The following FHAD1 variants were observed in gnomAD, a reference collection of about 807,000 sequenced individuals.
The protein encoded by FHAD1 is forkhead-associated domain-containing protein 1.
Under a neutral mutation model 191.3 loss-of-function variants are expected in FHAD1, and 146 were observed. The ratio of observed to expected loss-of-function variants is 0.76; its 90% CI spans 0.67 to 0.88. The LOEUF is 0.88. FHAD1 is among the 40% of genes least tolerant of loss of function. The pLI is 0.00. For missense variants in FHAD1, 1,635 were observed against 1,785.8 expected (o/e 0.92, Z 1.52); for synonymous variants, 616 against 672.3 (o/e 0.92, Z 1.29).
At chr1:15,238,669 C>A (rs746691974) in intron 1 of FHAD1, among the ~76,000 whole-genome samples, 5 of 152,234 alleles carry the variant, frequency 3.3e-5, no homozygotes, top group African/African-American at 1.2e-4. Flanking sequence ...TACACAGCCC[C>A]TGTGCCTCCT....
chr1:15,246,299 G>C (rs764943172), upstream of FHAD1, among the ~76,000 whole-genome samples: 21 of 152,260 alleles, frequency 1.4e-4, no homozygotes, highest in African/African-American at 5.1e-4. Flanking sequence ...AGTGCAATTC[G>C]AGATGAAATT....
chr1:15,258,788 A>G (rs550249144), intron 2 of FHAD1, among the ~76,000 whole-genome samples: 4 of 151,968 alleles, frequency 2.6e-5, no homozygotes, highest in East Asian at 1.9e-4. Context: ...GGGTTTCACC[A>G]TGTTGGCCAG....
Position 15,289,557 on chromosome 1 carries a change from C to T in FHAD1, c.459C>T (p.Pro153=). ...AAAGGAGCTGGTCCCAGGCCTTTCCCAGACCCACCGTGGTCCTGCCGGCCT... is the reference window on the plus strand; with the variant it reads ...AAAGGAGCTGGTCCCAGGCCTTTCCTAGACCCACCGTGGTCCTGCCGGCCT... ...PMQRSWSQAF[P]RPTVVLPASH... The change falls in exon 4 of 34, where the codon CCC becomes CCT. Residue 153 remains proline (P), a synonymous_variant. Coordinates refer to ENST00000688493, the MANE Select transcript of FHAD1 (RefSeq NM_001391957.1). This position sits in a 1 kb window ranked among gnomAD's most constrained non-coding sequence, Gnocchi z 4.2. 1.3e-6 allele frequency: 2 copies of T among 1,551,810 alleles called. No individual in the cohort carries two copies. Among genetic ancestry groups the T allele is most frequent in the Non-Finnish European group, 1.7e-6 (2 of 1,147,014 alleles).
rs1672329836 is a variant in FHAD1 at position 15,311,720 on chromosome 1, A to T, written c.1040-1337A>T. ...AAAGGACCGTATGAGATAACCCAAT[A>T]CCACTGCATTATGCACCCTTCTTCT... On this transcript the variant is annotated intron_variant, in intron 7 of 33. Transcript: ENST00000688493. The surrounding 1 kb of genome is among the most constrained non-coding windows in gnomAD (Gnocchi z 4.1). 6.6e-6 allele frequency among the ~76,000 whole-genome samples: 1 copy of T among 152,200 alleles called. No individual in the cohort carries two copies.
In FHAD1 at chr1:15,327,855, A is replaced by T. The variant is rs1243943269; in HGVS notation, c.1558-422A>T. 2.6e-5 allele frequency: 4 copies of T among 152,370 alleles called. No homozygotes were observed. Among genetic ancestry groups the T allele is most frequent in the African/African-American group, 9.7e-5 (4 of 41,400 alleles). The allele number at this position is 152,370 out of a possible 1,614,324, so 9.4% of individuals were successfully genotyped here. ...TCGAAACCAGCCTGACCAACATGGT[A>T]AAACCCCATCTCTATTAAAAATACA... On this transcript the variant is annotated intron_variant, in intron 12 of 33. Coordinates refer to ENST00000688493, the MANE Select transcript of FHAD1 (RefSeq NM_001391957.1). The surrounding 1 kb of genome is among the most constrained non-coding windows in gnomAD (Gnocchi z 5.1).
chr1:15,293,587 ACG>A (rs1553249548), intron 4 of FHAD1, among the ~76,000 whole-genome samples: 3 of 151,914 alleles, frequency 2.0e-5, no homozygotes, highest in African/African-American at 2.4e-5. Flanking sequence ...GTGTGGTGGC[ACG>A]CACCTGTAAT....
At chr1:15,396,981 A>C (rs575414060) in intron 33 of FHAD1, among the ~76,000 whole-genome samples, 1 of 150,266 alleles carries the variant, frequency 6.7e-6, no homozygotes, top group Non-Finnish European at 1.5e-5. Flanking sequence ...TCAGGAGATC[A>C]AGACCATCCT....
At chr1:15,275,877 C>T (rs1658182662) in intron 3 of FHAD1, among the ~76,000 whole-genome samples, 1 of 152,060 alleles carries the variant, frequency 6.6e-6, no homozygotes, top group Non-Finnish European at 1.5e-5. Flanking sequence ...GAGGACTGTC[C>T]TAATATTGTA....
intron 6 of FHAD1, among the ~76,000 whole-genome samples, chr1:15,304,954 G>C (rs531416175): frequency 4.6e-5 from 4 of 87,102 alleles, no homozygotes; most frequent in Non-Finnish European, 1.2e-4. Context: ...CTGCATTGTC[G>C]GGGTCCCCCC....
intron 10 of FHAD1, among the ~76,000 whole-genome samples, chr1:15,319,292 C>T (rs1371952703): frequency 6.6e-6 from 1 of 152,094 alleles, no homozygotes; most frequent in African/African-American, 2.4e-5. Flanking sequence ...TCATTAAAAC[C>T]TCGTGAGCTG....
chr1:15,313,797 C>T lies in FHAD1; in HGVS notation c.1170+610C>T, dbSNP rs993646978. On this transcript the variant is annotated intron_variant, in intron 8 of 33. Coordinates refer to ENST00000688493, the MANE Select transcript of FHAD1 (RefSeq NM_001391957.1). ...TTAAAAGTAATTTTGAGGCCAGGCA[C>T]GGTGGCTAATGCCTGTAATCCCAGC... Among the ~76,000 whole-genome samples the T allele has an allele frequency of 4.6e-5, 7 of 152,046 alleles. 1 individual carries two copies. The highest frequency in any genetic ancestry group is 4.1e-4 in the South Asian group (2 of 4,820).
At chr1:15,310,274 G>A (rs529079680) in intron 7 of FHAD1, among the ~76,000 whole-genome samples, 10 of 152,310 alleles carry the variant, frequency 6.6e-5, no homozygotes, top group East Asian at 1.9e-4. Flanking sequence ...GACCCAGGCC[G>A]CCTGGCCGTG....
intron 28 of FHAD1, among the ~76,000 whole-genome samples, chr1:15,377,574 A>T (rs1465673039): frequency 6.6e-6 from 1 of 152,250 alleles, no homozygotes; most frequent in African/African-American, 2.4e-5. Context: ...ACAGTGGCTC[A>T]TGCCTGTAAT....
Position 15,380,733 on chromosome 1 carries a change from C to T in FHAD1, c.3738C>T (p.Gly1246=), listed in dbSNP as rs1387565552. Residue 1246 remains glycine (G), a synonymous_variant, in exon 29 of 34, where the codon GGC becomes GGT. Coordinates refer to ENST00000688493, the MANE Select transcript of FHAD1 (RefSeq NM_001391957.1). ...PQNGLCNARF[G]SAMEKSGKMD... is the part of the protein sequence containing the mutation. ...ATGGCCTTTGCAACGCAAGGTTCGGCTCAGCCATGGAGAAGTCAGGGAAGA... is the reference window on the plus strand; with the variant it reads ...ATGGCCTTTGCAACGCAAGGTTCGGTTCAGCCATGGAGAAGTCAGGGAAGA... 1 of 1,551,736 alleles carries T rather than the reference C, an allele frequency of 6.4e-7. No homozygotes were observed. Among genetic ancestry groups the T allele is most frequent in the Admixed American group, 2.0e-5 (1 of 51,012 alleles).
intron 6 of FHAD1, among the ~76,000 whole-genome samples, chr1:15,302,385 G>A (rs1669083370): frequency 6.6e-6 from 1 of 152,088 alleles, no homozygotes; most frequent in Non-Finnish European, 1.5e-5. Flanking sequence ...AGTCATGTAC[G>A]TTTCTCTTGA....
Position 15,377,549 on chromosome 1 carries a change from A to G in FHAD1, c.3705+1819A>G, listed in dbSNP as rs74727333. Among the ~76,000 whole-genome samples the G allele has an allele frequency of 2.1e-4, 32 of 152,322 alleles. No homozygotes were observed. In the East Asian group the frequency reaches 6.2e-3, roughly 29 times the overall value. Reference sequence around the variant, plus strand: ...AACACTGGCAGCAATTCAAATTAAGATAAAGGGGCCAAGCACAGTGGCTCA... The same window carrying G: ...AACACTGGCAGCAATTCAAATTAAGGTAAAGGGGCCAAGCACAGTGGCTCA... On this transcript the variant is annotated intron_variant, in intron 28 of 33. Transcript: ENST00000688493.
At chr1:15,301,777 G>C (rs1272403444) in intron 6 of FHAD1, among the ~76,000 whole-genome samples, 1 of 152,150 alleles carries the variant, frequency 6.6e-6, no homozygotes, top group Non-Finnish European at 1.5e-5. Context: ...CCTGTAATCT[G>C]GCACTTTGGG....
intron 17 of FHAD1, 55 bp downstream of exon 17, chr1:15,345,245 T>A: frequency 6.8e-7 from 1 of 1,473,916 alleles, no homozygotes; most frequent in Non-Finnish European, 9.3e-7. Flanking sequence ...CTAGGAAGGG[T>A]GGATCTGGGG....
At chr1:15,283,363 C>T (rs532456457) in intron 3 of FHAD1, among the ~76,000 whole-genome samples, 5 of 152,276 alleles carry the variant, frequency 3.3e-5, no homozygotes, top group Admixed American at 1.3e-4. Context: ...CAATTTCAAG[C>T]TTCACTAACA....
Sources: gnomAD v4.1 joint callset for allele counts (sites outside exome capture counted in the v4.1 genomes callset) on GRCh38, gnomAD v4.1.1 for gene constraint, Gnocchi (gnomAD v3.1) non-coding constraint, MANE v1.5 for transcripts, NCBI Gene and HGNC (gene_info 2026-07-23, HGNC 2026-07-21) for gene names.